Variants in SMCO2 observed in about 807,000 individuals in gnomAD.
The protein encoded by SMCO2 is single-pass membrane protein with coiled-coil domains 2.
In SMCO2, 25 loss-of-function variants were observed where a neutral mutation model predicts 29.5. That is an observed-to-expected ratio of 0.85 (90% CI 0.62 to 1.18). SMCO2 has a LOEUF of 1.18. SMCO2 is among the 50% of genes most tolerant of loss of function. The pLI is 0.00. For missense variants in SMCO2, 348 were observed against 344.5 expected (o/e 1.01, Z -0.08); for synonymous variants, 117 against 123.3 (o/e 0.95, Z 0.34).
the SMCO2 span, among the ~76,000 whole-genome samples, chr12:27,432,909 T>C: frequency 6.6e-6 from 1 of 152,246 alleles, no homozygotes; most frequent in African/African-American, 2.4e-5. Flanking sequence ...ATTTTTTATA[T>C]TGATTTGTCC....
intron 3 of SMCO2, among the ~76,000 whole-genome samples, chr12:27,474,236 A>G (rs891683136): frequency 6.6e-6 from 1 of 152,190 alleles, no homozygotes; most frequent in Non-Finnish European, 1.5e-5. Flanking sequence ...TAAAAATAAA[A>G]CTTTCTCCTA....
intron 4 of SMCO2, among the ~76,000 whole-genome samples, chr12:27,477,223 T>G (rs951954702): frequency 1.4e-5 from 2 of 139,030 alleles, no homozygotes; most frequent in Non-Finnish European, 1.5e-5. Flanking sequence ...TTTTTTTTTT[T>G]TTTTTTTTTT....
intron 5 of SMCO2, among the ~76,000 whole-genome samples, chr12:27,489,293 C>A (rs1042409499): frequency 2.0e-5 from 3 of 152,132 alleles, no homozygotes; most frequent in Non-Finnish European, 1.5e-5. Context: ...AAGGAATCTG[C>A]CCACCTCAGC....
intron 3 of SMCO2, among the ~76,000 whole-genome samples, chr12:27,473,734 A>C (rs1307477990): frequency 6.6e-6 from 1 of 152,236 alleles, no homozygotes; most frequent in Admixed American, 6.5e-5. Flanking sequence ...ACATTTAAAA[A>C]AGAAACTGAT....
the SMCO2 span, among the ~76,000 whole-genome samples, chr12:27,447,556 G>T: frequency 6.6e-6 from 1 of 152,012 alleles, no homozygotes; most frequent in Middle Eastern, 3.2e-3. Context: ...CCAGGAGCCT[G>T]AGACCAGCCT....
chr12:27,479,451 T>G (rs1184586951), intron 4 of SMCO2, among the ~76,000 whole-genome samples: 1 of 152,210 alleles, frequency 6.6e-6, no homozygotes, highest in Non-Finnish European at 1.5e-5. Context: ...CCAGGGTTGC[T>G]GTCTGTATTT....
At chr12:27,424,039 A>T in the SMCO2 span, 1 of 152,258 alleles carries the variant, frequency 6.6e-6, no homozygotes, top group African/African-American at 2.4e-5. Context: ...TATTAATTAC[A>T]TGTTCAAATG....
At chr12:27,446,230 A>G in the SMCO2 span, among the ~76,000 whole-genome samples, 19 of 152,258 alleles carry the variant, frequency 1.2e-4, no homozygotes, top group African/African-American at 4.1e-4. Flanking sequence ...GTGTCCTCAC[A>G]TGGTGGGAGT....
chr12:27,465,401 G>A (rs116318291), upstream of SMCO2, among the ~76,000 whole-genome samples: 479 of 152,316 alleles, frequency 3.1e-3, 5 homozygotes, highest in African/African-American at 0.011. Flanking sequence ...AAAGGTAGGA[G>A]CATAGTCATG....
chr12:27,443,162 C>T, the SMCO2 span, among the ~76,000 whole-genome samples: 5 of 152,316 alleles, frequency 3.3e-5, no homozygotes, highest in African/African-American at 1.2e-4. Context: ...AAAGATCATT[C>T]ACCATGATCA....
chr12:27,474,837 A>G, exon 4 of SMCO2: 2 of 1,551,694 alleles, frequency 1.3e-6, no homozygotes, highest in Non-Finnish European at 1.7e-6. Flanking sequence ...TAAACAGGAT[A>G]AGCAAGAAAC....
At chr12:27,501,126 G>A (rs1276737592) in intron 7 of SMCO2, among the ~76,000 whole-genome samples, 1 of 150,260 alleles carries the variant, frequency 6.7e-6, no homozygotes, top group African/African-American at 2.5e-5. Context: ...ATTTAAAAAA[G>A]CTTCTATTGG....
intron 3 of SMCO2, among the ~76,000 whole-genome samples, chr12:27,473,794 G>C (rs1307643628): frequency 6.6e-6 from 1 of 152,138 alleles, no homozygotes; most frequent in African/African-American, 2.4e-5. Flanking sequence ...AAATAGTTCT[G>C]TGAAACACAG....
At chr12:27,444,208 T>G in the SMCO2 span, among the ~76,000 whole-genome samples, 2 of 152,122 alleles carry the variant, frequency 1.3e-5, no homozygotes, top group African/African-American at 4.8e-5. Flanking sequence ...TACAACCAAC[T>G]CATCTTTGAC....
intron 2 of SMCO2, 136 bp downstream of exon 2, chr12:27,470,901 T>C: frequency 1.9e-6 from 2 of 1,068,992 alleles, no homozygotes; most frequent in Middle Eastern, 3.1e-4. Flanking sequence ...TTATCTAATT[T>C]TAATCTCATG....
the SMCO2 span, among the ~76,000 whole-genome samples, chr12:27,459,514 A>C: frequency 6.6e-6 from 1 of 152,232 alleles, no homozygotes; most frequent in Non-Finnish European, 1.5e-5. Flanking sequence ...ACTACCTATC[A>C]GGTACTATGC....
Position 27,472,757 on chromosome 12 carries a change from T to C in SMCO2, c.135-19T>C. The C allele has an allele frequency of 1.9e-6, 3 of 1,545,400 alleles. No homozygotes were observed. Among genetic ancestry groups the C allele is most frequent in the Non-Finnish European group, 2.6e-6 (3 of 1,142,240 alleles). On this transcript the variant is annotated intron_variant, in intron 2 of 7. Transcript: ENST00000298876. ...CAAAGGCATAATAACAGCCTCTGTT[T>C]GGATTGTGTGGCTTGCAGTTTGCTA...
At chr12:27,463,767 G>A (rs567190368), upstream of SMCO2, among the ~76,000 whole-genome samples, 1 of 152,268 alleles carries the variant, frequency 6.6e-6, no homozygotes, top group East Asian at 1.9e-4. Flanking sequence ...TAATCAACAA[G>A]CCATACCACA....
the SMCO2 span, among the ~76,000 whole-genome samples, chr12:27,454,258 A>G: frequency 0.7 from 106,906 of 152,114 alleles, 38,019 homozygotes; most frequent in Middle Eastern, 0.88. Flanking sequence ...TACTGAGATT[A>G]CAGGTGTGAG....
Sources: allele counts gnomAD v4.1 joint callset (sites outside exome capture counted in the v4.1 genomes callset), GRCh38; gene constraint gnomAD v4.1.1; transcripts MANE v1.5; gene names NCBI Gene and HGNC (gene_info 2026-07-23, HGNC 2026-07-21).